Variants in MYOCD observed in about 807,000 individuals in gnomAD.
MYOCD encodes the protein myocardin.
Under a neutral mutation model 96.1 loss-of-function variants are expected in MYOCD, and 32 were observed. The ratio of observed to expected loss-of-function variants is 0.33; its 90% CI spans 0.25 to 0.45. The LOEUF is 0.45. MYOCD is among the 20% of genes least tolerant of loss of function. The probability of loss-of-function intolerance (pLI) is 1.00; values close to 1 mark genes in which losing one functional copy is unlikely to be tolerated. For synonymous variants in MYOCD, 469 were observed against 469.0 expected (o/e 1.00, Z 0.00); for missense variants, 1,133 against 1,200.6 (o/e 0.94, Z 0.83).
chr17:12,701,583 T>C (rs1408291688), intron 1 of MYOCD, among the ~76,000 whole-genome samples: 1 of 152,158 alleles, frequency 6.6e-6, no homozygotes, highest in Non-Finnish European at 1.5e-5. Context: ...CTCCTTACTA[T>C]GAGCATACTT....
intron 1 of MYOCD, among the ~76,000 whole-genome samples, chr17:12,702,607 A>G (rs2031123509): frequency 6.6e-6 from 1 of 151,662 alleles, no homozygotes; most frequent in Non-Finnish European, 1.5e-5. Flanking sequence ...TTGTCCCTAT[A>G]CTTTTTGTTC....
At position 12,684,751 on chromosome 17, in the gene MYOCD, C is replaced by CA. The variant is rs1458141239; in HGVS notation, c.55+18509dup. Among the ~76,000 whole-genome samples, 16 of 150,290 alleles carry CA rather than the reference C, an allele frequency of 1.1e-4. No homozygotes were observed. In the East Asian group the frequency reaches 3.2e-3, roughly 30 times the overall value. On this transcript the variant is annotated intron_variant, in intron 1 of 13. Coordinates refer to ENST00000425538, the MANE Select transcript of MYOCD (RefSeq NM_001146312.3). The stretch of plus-strand genomic sequence containing the variant: ...GTCCCAGCTACTCGGGAGGCTGAGG[C>CA]AGGAGAATCGCTTGAACCTGGGAGG...
chr17:12,710,066 T>C (rs2031435918), intron 2 of MYOCD, among the ~76,000 whole-genome samples: 1 of 152,140 alleles, frequency 6.6e-6, no homozygotes, highest in Non-Finnish European at 1.5e-5. Flanking sequence ...TCAACTTCTG[T>C]TTCAAAGCGC....
At chr17:12,697,355 ATATATTT>A (rs1405570541) in intron 1 of MYOCD, among the ~76,000 whole-genome samples, 3 of 86,066 alleles carry the variant, frequency 3.5e-5, no homozygotes, top group East Asian at 3.0e-4. Flanking sequence ...ATATATATAT[ATATATTT>A]TTTTTTTTTT....
chr17:12,738,653 TAC>T (rs927012438), intron 6 of MYOCD, among the ~76,000 whole-genome samples: 4 of 151,764 alleles, frequency 2.6e-5, no homozygotes, highest in African/African-American at 7.3e-5. Flanking sequence ...CACTTGGAGA[TAC>T]ACACACACAC....
intron 1 of MYOCD, among the ~76,000 whole-genome samples, chr17:12,667,941 A>G (rs1457484038): frequency 2.0e-5 from 3 of 152,156 alleles, no homozygotes; most frequent in African/African-American, 7.2e-5. Flanking sequence ...AGAAGCAGGC[A>G]TCCTTAATCC....
At chr17:12,754,072 G>A (rs911747278) in intron 10 of MYOCD, among the ~76,000 whole-genome samples, 3 of 134,800 alleles carry the variant, frequency 2.2e-5, no homozygotes, top group African/African-American at 9.4e-5. Context: ...GTGTGTGTGT[G>A]TGTATGTGTG....
rs1346201716 is a variant in MYOCD, at chr17:12,763,164, C to G, written c.2481C>G (p.Thr827=). ...RSSRSPTAVL[T]KPSASFEQAS... is the part of the protein sequence containing the mutation. Reference sequence around the variant, plus strand: ...CCCGAAGTCCAACTGCTGTCCTCACCAAGCCCTCGGCTTCCTTTGAACAAG... The same window carrying G: ...CCCGAAGTCCAACTGCTGTCCTCACGAAGCCCTCGGCTTCCTTTGAACAAG... The change falls in exon 14 of 14, where the codon ACC becomes ACG. Residue 827 remains threonine, a synonymous_variant. Coordinates refer to ENST00000425538, the MANE Select transcript of MYOCD (RefSeq NM_001146312.3). The G allele has an allele frequency of 6.2e-7, 1 of 1,614,154 alleles. No homozygotes were observed. The highest frequency in any genetic ancestry group is 1.1e-5 in the South Asian group (1 of 91,080).
chr17:12,738,981 A>G (rs1257864494), intron 6 of MYOCD, among the ~76,000 whole-genome samples: 1 of 151,590 alleles, frequency 6.6e-6, no homozygotes, highest in Non-Finnish European at 1.5e-5. Context: ...GTATATACAC[A>G]TAAACATATT....
chr17:12,719,792 G>A (rs1026966074), intron 4 of MYOCD, among the ~76,000 whole-genome samples: 3 of 150,524 alleles, frequency 2.0e-5, no homozygotes, highest in Non-Finnish European at 3.0e-5. Context: ...GCTTGAACCC[G>A]GGAGGCGGAG....
chr17:12,737,135 A>T (rs1009614223), intron 6 of MYOCD, among the ~76,000 whole-genome samples: 1 of 152,074 alleles, frequency 6.6e-6, no homozygotes, highest in Non-Finnish European at 1.5e-5. Context: ...CGCGCCTGTA[A>T]TCCCAGCTAC....
intron 9 of MYOCD, among the ~76,000 whole-genome samples, chr17:12,748,160 C>CAAAAAAAAAA (rs58002174): frequency 3.3e-5 from 3 of 90,592 alleles, no homozygotes; most frequent in Non-Finnish European, 4.4e-5. Context: ...GACTCCGTCT[C>CAAAAAAAAAA]AAAAAAAAAA....
chr17:12,723,099 G>A, intron 5 of MYOCD, 91 bp downstream of exon 5: 4 of 1,274,008 alleles, frequency 3.1e-6, no homozygotes, highest in Non-Finnish European at 4.4e-6. Context: ...TTGGGGATGA[G>A]GGCCTCTCAC....
chr17:12,666,209 G>C lies in MYOCD; in HGVS notation c.21G>C (p.Glu7Asp), dbSNP rs769230858. 6.2e-7 allele frequency: 1 copy of C among 1,613,926 alleles called. No homozygotes were observed. The highest frequency in any genetic ancestry group is 8.5e-7 in the Non-Finnish European group (1 of 1,179,846). The change falls in exon 1 of 14, where the codon GAG becomes GAC. Residue 7 changes from glutamate (E) to aspartate (D), a missense_variant. Transcript: ENST00000425538. Reference protein sequence around the residue: MTLLGSEHSLLIRSKFR... With the variant: MTLLGSDHSLLIRSKFR... ...TCAACATGACACTCCTGGGGTCTGA[G>C]CATTCCTTGCTGATTAGGAGCAAGT...
chr17:12,737,398 C>G (rs1229215966), intron 6 of MYOCD, among the ~76,000 whole-genome samples: 1 of 152,220 alleles, frequency 6.6e-6, no homozygotes, highest in Non-Finnish European at 1.5e-5. Flanking sequence ...AAGTAGGTAT[C>G]ATCGAGGTTG....
chr17:12,749,717 A>ATATGTATATATATGTGTATG (rs548373868), intron 9 of MYOCD, among the ~76,000 whole-genome samples: 50 of 147,672 alleles, frequency 3.4e-4, no homozygotes, highest in African/African-American at 1.2e-3. Flanking sequence ...GTGTATATAT[A>ATATGTATATATATGTGTATG]TGTGTGTGTG....
At position 12,752,827 on chromosome 17, in the gene MYOCD, G is replaced by A. The variant is rs774490265; in HGVS notation, c.1539G>A (p.Leu513=). ...CTGTTCCTTCTGAGCTGGATGGGCT[G>A]GACTCCGAGAAGGACAAGATGCTGG... ...GGSVPSELDG[L]DSEKDKMLVE... The change falls in exon 10 of 14, where the codon CTG becomes CTA. Residue 513 remains leucine, a synonymous_variant. Transcript: ENST00000425538. The A allele has an allele frequency of 1.9e-6, 3 of 1,613,904 alleles. No homozygotes were observed. Among genetic ancestry groups the A allele is most frequent in the East Asian group, 2.2e-5 (1 of 44,880 alleles).
rs1356617202 is a variant in MYOCD, at chr17:12,767,721, C to T, written c.*4077C>T. Reference sequence around the variant, plus strand: ...TCTTGTCTTTTTCTTTGTGGACAAACACCAGTAGTCTATCACTTGGAGATC... The same window carrying T: ...TCTTGTCTTTTTCTTTGTGGACAAATACCAGTAGTCTATCACTTGGAGATC... On this transcript the variant is annotated 3_prime_UTR_variant, in exon 14 of 14. Coordinates refer to ENST00000425538, the MANE Select transcript of MYOCD (RefSeq NM_001146312.3). 2.0e-5 allele frequency: 3 copies of T among 152,154 alleles called. No individual in the cohort carries two copies. The highest frequency in any genetic ancestry group is 2.9e-5 in the Non-Finnish European group (2 of 68,022). The allele number at this position is 152,154 out of a possible 1,614,324, so 9.4% of individuals were successfully genotyped here.
At chr17:12,700,928 T>C (rs1215770157) in intron 1 of MYOCD, among the ~76,000 whole-genome samples, 4 of 152,174 alleles carry the variant, frequency 2.6e-5, no homozygotes, top group Non-Finnish European at 5.9e-5. Context: ...GGGGGGGTTA[T>C]AATAATCAAT....
Sources: gnomAD v4.1 joint callset for allele counts (sites outside exome capture counted in the v4.1 genomes callset) on GRCh38, gnomAD v4.1.1 for gene constraint, MANE v1.5 for transcripts, NCBI Gene and HGNC (gene_info 2026-07-23, HGNC 2026-07-21) for gene names.